IFT57: variants seen among roughly 807,000 people sequenced by gnomAD.
The protein encoded by IFT57 is intraflagellar transport protein 57 homolog.
IFT57 carries 59 observed loss-of-function variants against 56.8 expected under a neutral mutation model. The ratio of observed to expected loss-of-function variants is 1.04; its 90% confidence interval spans 0.84 to 1.29. IFT57 has a LOEUF of 1.29. Among genes scored for constraint, IFT57 ranks in the 50% most tolerant of loss-of-function variants. The probability of loss-of-function intolerance (pLI) is 0.00; values close to 1 mark genes in which losing one functional copy is unlikely to be tolerated. For synonymous variants in IFT57, 209 were observed against 186.1 expected, an observed-to-expected ratio of 1.12 and a Z score of -1.00; for missense variants, 470 against 522.1, an observed-to-expected ratio of 0.90 and a Z score of 0.97.
intron 6 of IFT57, among the ~76,000 whole-genome samples, chr3:108,168,492 TTTTAC>T (rs1365869405): frequency 6.6e-6 from 1 of 152,038 alleles, no homozygotes; most frequent in Non-Finnish European, 1.5e-5. Context: ...TTTTATTTTA[TTTTAC>T]TTTAAGTTCT....
intron 6 of IFT57, among the ~76,000 whole-genome samples, chr3:108,171,214 G>A (rs11928732): frequency 0.096 from 14,635 of 151,844 alleles, 769 homozygotes; most frequent in Middle Eastern, 0.12. Flanking sequence ...GCTGCAAAGA[G>A]CCTCAAAAAG....
At position 108,217,521 on chromosome 3, in the gene IFT57, A is replaced by G. The variant is rs555938306; in HGVS notation, c.494+1014T>C. Among the ~76,000 whole-genome samples the G allele has an allele frequency of 1.4e-3, 214 of 152,154 alleles. 2 individuals carry two copies. Among genetic ancestry groups the G allele is most frequent in the African/African-American group, 4.8e-3 (200 of 41,554 alleles). ...TTGGATTGAAGCATATGAAATTGCC[A>G]TTTTTTAGTTTAAAAATAGATGAAT... On this transcript the variant is annotated intron_variant, in intron 3 of 10. Coordinates refer to ENST00000264538, the MANE Select transcript of IFT57 (RefSeq NM_018010.4).
At chr3:108,163,557 CAACA>C in intron 10 of IFT57, 102 bp downstream of exon 10, 2 of 724,274 alleles carry the variant, frequency 2.8e-6, no homozygotes, top group Non-Finnish European at 4.7e-6. Flanking sequence ...TTCAAACAAG[CAACA>C]AATAATTTGT....
At position 108,167,808 on chromosome 3, in the gene IFT57, A is replaced by G. The variant is rs753080407; in HGVS notation, c.834T>C (p.Ala278=). The G allele has an allele frequency of 3.8e-6, 6 of 1,590,148 alleles. No individual in the cohort carries two copies. The Admixed American group carries it at 9.0e-5, about 24-fold the overall frequency. ...ATTCATATACCTTGGTCTCCTTTAGAGCAGATTCAATTCCACTTCTGTGCT... is the reference window on the plus strand; with the variant it reads ...ATTCATATACCTTGGTCTCCTTTAGGGCAGATTCAATTCCACTTCTGTGCT... ...MHQHRSGIES[A]LKETKGFLDK... Residue 278 remains alanine, a synonymous_variant, in exon 7 of 11, where the codon GCT becomes GCC. Coordinates refer to ENST00000264538, the MANE Select transcript of IFT57 (RefSeq NM_018010.4).
rs2080040234 is a variant in IFT57 at position 108,162,635 on chromosome 3, G to C, written c.1132C>G (p.Gln378Glu). The C allele has an allele frequency of 1.2e-6, 2 of 1,601,886 alleles. No homozygotes were observed. The highest frequency in any genetic ancestry group is 8.5e-7 in the Non-Finnish European group (1 of 1,174,624). ...TDGAPLVKIK[Q>E]SLTKLKQETV... ...TCTTGCTTCAGTTTTGTTAAGCTCT[G>C]TTTAATCTTCACCAAAGGAGCTGCA... The change falls in exon 11 of 11, where the codon CAG (glutamine) becomes GAG (glutamate). Residue 378 changes from glutamine (Q) to glutamate (E), a missense_variant. By Grantham distance (29) the Gln-to-Glu change is conservative (BLOSUM62 2). Transcript: ENST00000264538.
Position 108,211,294 on chromosome 3 carries a change from C to T in IFT57, c.585+2637G>A, listed in dbSNP as rs529757697. ...CATAACTATTAAATAGTTATTAAGACGACAAGATGAGGGAATAAATAAGGT... is the reference window on the plus strand; with the variant it reads ...CATAACTATTAAATAGTTATTAAGATGACAAGATGAGGGAATAAATAAGGT... On this transcript the variant is annotated intron_variant, in intron 4 of 10. Coordinates refer to ENST00000264538, the MANE Select transcript of IFT57 (RefSeq NM_018010.4). Among the ~76,000 whole-genome samples, 62 of 152,122 alleles carry T rather than the reference C, an allele frequency of 4.1e-4. 1 individual carries two copies. The highest frequency in any genetic ancestry group is 9.2e-4 in the African/African-American group (38 of 41,476).
At chr3:108,174,282 C>G (rs912430360) in intron 6 of IFT57, among the ~76,000 whole-genome samples, 2 of 150,212 alleles carry the variant, frequency 1.3e-5, no homozygotes, top group African/African-American at 5.0e-5. Flanking sequence ...AAATATATAT[C>G]TTTTGAAAAA....
At chr3:108,184,518 A>G (rs2080169258) in intron 6 of IFT57, among the ~76,000 whole-genome samples, 1 of 124,134 alleles carries the variant, frequency 8.1e-6, no homozygotes, top group South Asian at 2.4e-4. Context: ...ATAAATATAC[A>G]AAAAAAACTA....
In IFT57 at chr3:108,191,574, C is replaced by T; in HGVS notation, c.724G>A (p.Glu242Lys). 1 of 1,609,928 alleles carries T rather than the reference C, an allele frequency of 6.2e-7. No homozygotes were observed. Among genetic ancestry groups the T allele is most frequent in the Non-Finnish European group, 8.5e-7 (1 of 1,177,174 alleles). ...STTDAAEWSLEVERVLPQLKV... is the reference protein window; with the variant it reads ...STTDAAEWSLKVERVLPQLKV... ...AGTTGCGGTAGTACACGTTCCACTT[C>T]TAGGCTCCATTCTGCAGCATCTGTT... Residue 242 changes from glutamate to lysine, a missense_variant, in exon 6 of 11, where the codon GAA (glutamate) becomes AAA (lysine). Physicochemically the swap from Glu to Lys is moderately conservative, Grantham distance 56. Coordinates refer to ENST00000264538, the MANE Select transcript of IFT57 (RefSeq NM_018010.4).
Position 108,168,259 on chromosome 3 carries a change from G to A in IFT57, c.778-395C>T, listed in dbSNP as rs148732005. On this transcript the variant is annotated intron_variant, in intron 6 of 10. Coordinates refer to ENST00000264538, the MANE Select transcript of IFT57 (RefSeq NM_018010.4). ...AATATCATATATCAAAGATTAGTTT[G>A]TCCCTTGGAAATGAAAATGGGGCCC... 5.5e-3 allele frequency among the ~76,000 whole-genome samples: 830 copies of A among 151,940 alleles called. 8 individuals carry two copies. The highest frequency in any genetic ancestry group is 0.019 in the African/African-American group (791 of 41,482).
At position 108,166,953 on chromosome 3, in the gene IFT57, A is replaced by G. The variant is rs143767161; in HGVS notation, c.882T>C (p.Thr294=). The change falls in exon 8 of 11, where the codon ACT becomes ACC. Residue 294 remains threonine, a synonymous_variant. Transcript: ENST00000264538. Reference sequence around the variant, plus strand: ...GGCTGCTGATCTTTTCCAAAGTCCTAGTAATTTCATTATGGAGTTTGTCCA... The same window carrying G: ...GGCTGCTGATCTTTTCCAAAGTCCTGGTAATTTCATTATGGAGTTTGTCCA... ...GFLDKLHNEI[T]RTLEKISSRE... 10 of 1,610,300 alleles carry G rather than the reference A, an allele frequency of 6.2e-6. 1 individual carries two copies. The highest frequency in any genetic ancestry group is 5.4e-5 in the African/African-American group (4 of 74,718).
At chr3:108,178,314 C>A (rs2080134699) in intron 6 of IFT57, among the ~76,000 whole-genome samples, 2 of 151,532 alleles carry the variant, frequency 1.3e-5, no homozygotes, top group African/African-American at 4.8e-5. Context: ...TTCTGAAGGG[C>A]AAAACAATAA....
chr3:108,200,113 A>T (rs1185814209), intron 5 of IFT57, among the ~76,000 whole-genome samples: 2 of 152,226 alleles, frequency 1.3e-5, no homozygotes, highest in African/African-American at 4.8e-5. Context: ...CTCTATATAA[A>T]TGGACCTGTA....
chr3:108,219,080 T>A (rs2080389919), intron 2 of IFT57, among the ~76,000 whole-genome samples: 1 of 151,584 alleles, frequency 6.6e-6, no homozygotes, highest in Admixed American at 6.6e-5. Flanking sequence ...AAGTACAAGT[T>A]CCCTTTCAGA....
chr3:108,216,323 A>T (rs1222317590), intron 3 of IFT57, among the ~76,000 whole-genome samples: 1 of 152,212 alleles, frequency 6.6e-6, no homozygotes, highest in East Asian at 1.9e-4. Flanking sequence ...AGATCTTAAT[A>T]GACATTTCTC....
At chr3:108,173,159 T>C (rs2080103715) in intron 6 of IFT57, among the ~76,000 whole-genome samples, 1 of 151,860 alleles carries the variant, frequency 6.6e-6, no homozygotes, top group Non-Finnish European at 1.5e-5. Flanking sequence ...ATATTCATTC[T>C]ACTACTAAAA....
intron 1 of IFT57, among the ~76,000 whole-genome samples, chr3:108,219,884 G>GT (rs1306037219): frequency 6.6e-6 from 1 of 152,196 alleles, no homozygotes; most frequent in Non-Finnish European, 1.5e-5. Context: ...TTAAGTGTCA[G>GT]TAATAATATG....
At chr3:108,173,376 TG>T (rs2080105024) in intron 6 of IFT57, among the ~76,000 whole-genome samples, 1 of 151,702 alleles carries the variant, frequency 6.6e-6, no homozygotes, top group African/African-American at 2.4e-5. Context: ...GTTCTCAAGT[TG>T]GGGGTGTGTT....
At chr3:108,216,447 T>C (rs1319897105) in intron 3 of IFT57, among the ~76,000 whole-genome samples, 1 of 152,162 alleles carries the variant, frequency 6.6e-6, no homozygotes, top group Non-Finnish European at 1.5e-5. Context: ...AGAATGGCTA[T>C]TACCCAACCC....
Sources: allele counts gnomAD v4.1 joint callset (sites outside exome capture counted in the v4.1 genomes callset), GRCh38; gene constraint gnomAD v4.1.1; transcripts MANE v1.5; gene names NCBI Gene and HGNC (gene_info 2026-07-23, HGNC 2026-07-21).